Variants in NPC1L1 observed in about 807,000 individuals in gnomAD.
NPC1L1 encodes NPC1-like intracellular cholesterol transporter 1.
Under a neutral mutation model 117.0 loss-of-function variants are expected in NPC1L1, and 98 were observed. The ratio of observed to expected loss-of-function variants is 0.84; its 90% confidence interval spans 0.71 to 0.99. The LOEUF is 0.99. Ranked by LOEUF, NPC1L1 falls within the 50% of genes least tolerant of loss-of-function variation. The pLI is 0.00. For synonymous variants in NPC1L1, 729 were observed against 727.6 expected (o/e 1.00, Z -0.03); for missense variants, 1,540 against 1,710.0 (o/e 0.90, Z 1.75).
In NPC1L1 at chr7:44,532,076, T is replaced by C. The variant is rs766881398; in HGVS notation, c.2547+4A>G. 6.2e-7 allele frequency: 1 copy of C among 1,614,096 alleles called. No individual in the cohort carries two copies. The highest frequency in any genetic ancestry group is 8.5e-7 in the Non-Finnish European group (1 of 1,180,000). On this transcript the variant is annotated splice_donor_region_variant and intron_variant, in intron 9 of 18. Transcript: ENST00000381160. ...TGCTCTCGTGTGGTTCGAGGCCCACTCACCACAACACCTCGAGTGATCCAG... is the reference window on the plus strand; with the variant it reads ...TGCTCTCGTGTGGTTCGAGGCCCACCCACCACAACACCTCGAGTGATCCAG...
Position 44,522,131 on chromosome 7 carries a change from T to C in NPC1L1, c.2749A>G (p.Asn917Asp). ...GYNFSSEAGM[N>D]AICSSAGCNN... ...CAGCCTGCACTGGAGCAGATGGCAT[T>C]CATCCCAGCCTCGCTGGAGAAGTTG... The change falls in exon 11 of 19, where the codon AAT becomes GAT. Residue 917 changes from asparagine (N) to aspartate (D), a missense_variant. By Grantham distance (23) the Asn-to-Asp change is conservative (BLOSUM62 1). Transcript: ENST00000381160. 2 of 1,613,820 alleles carry C rather than the reference T, an allele frequency of 1.2e-6. No individual in the cohort carries two copies. Among genetic ancestry groups the C allele is most frequent in the East Asian group, 2.2e-5 (1 of 44,874 alleles).
intron 1 of NPC1L1, among the ~76,000 whole-genome samples, chr7:44,540,796 C>T (rs554338971): frequency 6.6e-6 from 1 of 152,038 alleles, no homozygotes; most frequent in Admixed American, 6.6e-5. Flanking sequence ...ACAAAGTAAG[C>T]GAGGAACTTA....
At chr7:44,541,181 G>A (rs1802091730) in intron 1 of NPC1L1, 25 bp downstream of exon 1, 1 of 1,549,048 alleles carries the variant, frequency 6.5e-7, no homozygotes. Context: ...CCGCAGGGGA[G>A]GTGGAGCCAA....
intron 10 of NPC1L1, among the ~76,000 whole-genome samples, chr7:44,527,318 C>T (rs62459147): frequency 0.025 from 3,736 of 151,738 alleles, 56 homozygotes; most frequent in Middle Eastern, 0.038. Flanking sequence ...ATTAGCCTGG[C>T]GTGGTGGCAC....
At chr7:44,519,670 C>T (rs1801293344) in intron 14 of NPC1L1, among the ~76,000 whole-genome samples, 1 of 152,226 alleles carries the variant, frequency 6.6e-6, no homozygotes, top group South Asian at 2.1e-4. Flanking sequence ...GGCCCCTACA[C>T]CGAGCATGTC....
At chr7:44,519,630 C>T (rs1175053744) in intron 14 of NPC1L1, among the ~76,000 whole-genome samples, 1 of 152,180 alleles carries the variant, frequency 6.6e-6, no homozygotes, top group Middle Eastern at 3.2e-3. Flanking sequence ...CGACGACCCC[C>T]ATGTCCATCT....
Position 44,533,490 on chromosome 7 carries a change from A to T in NPC1L1, c.2350T>A (p.Phe784Ile), listed in dbSNP as rs746257407. Residue 784 changes from phenylalanine to isoleucine, a missense_variant, in exon 8 of 19, where the codon TTC becomes ATC. Phe to Ile is a conservative substitution (Grantham distance 21). Transcript: ENST00000381160. ...LTSGLAVILD[F>I]LLQMSAFVAL... ...ACAAAGGCTGACATCTGCAGGAGGA[A>T]GTCAAGGATCACTGCAAGGCCAGAG... 6.2e-7 allele frequency: 1 copy of T among 1,614,126 alleles called. No homozygotes were observed. Among genetic ancestry groups the T allele is most frequent in the Admixed American group, 1.7e-5 (1 of 60,032 alleles).
At chr7:44,537,293 C>A (rs962686400) in intron 2 of NPC1L1, among the ~76,000 whole-genome samples, 4 of 152,224 alleles carry the variant, frequency 2.6e-5, no homozygotes, top group African/African-American at 9.6e-5. Context: ...ACCTTCCTGG[C>A]TCTGACATTA....
In NPC1L1 at chr7:44,533,629, T is replaced by G. The variant is rs1585145150; in HGVS notation, c.2282-71A>C. 3 of 1,612,598 alleles carry G rather than the reference T, an allele frequency of 1.9e-6. No homozygotes were observed. In the Admixed American group the frequency reaches 5.0e-5, roughly 27 times the overall value. ...AGAGTGGTAGCCGACATTGACAGGG[T>G]GCAGGGGGAAGGGAATCTGCACTAT... On this transcript the variant is annotated intron_variant, in intron 7 of 18. Coordinates refer to ENST00000381160, the MANE Select transcript of NPC1L1 (RefSeq NM_001101648.2).
chr7:44,536,781 T>C lies in NPC1L1; in HGVS notation c.1681+61A>G. ...CCAGCACCACTCCCACCCTCCCGTC[T>C]ATGGTTCCTGCCCCAATACTGCATC... is the stretch of plus-strand genomic sequence containing the variant. On this transcript the variant is annotated intron_variant, in intron 3 of 18. Coordinates refer to ENST00000381160, the MANE Select transcript of NPC1L1 (RefSeq NM_001101648.2). This position sits in a 1 kb window ranked among gnomAD's most constrained non-coding sequence, Gnocchi z 4.7. The C allele has an allele frequency of 7.0e-7, 1 of 1,419,964 alleles. No homozygotes were observed. Among genetic ancestry groups the C allele is most frequent in the Non-Finnish European group, 1.0e-6 (1 of 1,004,884 alleles). 88.0% of individuals were successfully genotyped at this position (1,419,964 alleles called of 1,614,324 possible).
Position 44,517,447 on chromosome 7 carries a change from G to A in NPC1L1, c.3137-90C>T, listed in dbSNP as rs546923113. 1,450 of 1,500,546 alleles carry A rather than the reference G, an allele frequency of 9.7e-4. 4 individuals are homozygous for A. The highest frequency in any genetic ancestry group is 1.2e-3 in the Non-Finnish European group (1,295 of 1,091,502). The allele number at this position is 1,500,546 out of a possible 1,614,324, so 93.0% of individuals were successfully genotyped here. ...AGAACACCGCAGACGCAGTGGCACA[G>A]GCATGTGATCAAGCGGGGTTCAGGG... On this transcript the variant is annotated intron_variant, in intron 14 of 18. Coordinates refer to ENST00000381160, the MANE Select transcript of NPC1L1 (RefSeq NM_001101648.2).
rs1370639428 is a variant in NPC1L1, at chr7:44,538,473, A to G, written c.1580+344T>C. ...GAAGCAAAACATAGCAAATATAAATATGTACTCTGCCAATCGGGCTCCTCT... is the reference window on the plus strand; with the variant it reads ...GAAGCAAAACATAGCAAATATAAATGTGTACTCTGCCAATCGGGCTCCTCT... On this transcript the variant is annotated intron_variant, in intron 2 of 18. Coordinates refer to ENST00000381160, the MANE Select transcript of NPC1L1 (RefSeq NM_001101648.2). This position sits in a 1 kb window ranked among gnomAD's most constrained non-coding sequence, Gnocchi z 5.9. 6.6e-6 allele frequency among the ~76,000 whole-genome samples: 1 copy of G among 152,212 alleles called. No homozygotes were observed. Among genetic ancestry groups the G allele is most frequent in the East Asian group, 1.9e-4 (1 of 5,198 alleles).
rs1252094324 is a variant in NPC1L1 at position 44,538,353 on chromosome 7, C to T, written c.1580+464G>A. Among the ~76,000 whole-genome samples the T allele has an allele frequency of 6.6e-6, 1 of 152,256 alleles. No homozygotes were observed. Among genetic ancestry groups the T allele is most frequent in the African/African-American group, 2.4e-5 (1 of 41,478 alleles). On this transcript the variant is annotated intron_variant, in intron 2 of 18. Transcript: ENST00000381160. This position sits in a 1 kb window ranked among gnomAD's most constrained non-coding sequence, Gnocchi z 5.9. ...GACACCCGGCCCAGGTGCCTGAGAC[C>T]AGCCACGACCTCTGGCCTGAGGGCA...
At position 44,535,699 on chromosome 7, in the gene NPC1L1, G is replaced by GT. The variant is rs1801860833; in HGVS notation, c.1983+140dup. 3 of 1,047,886 alleles carry GT rather than the reference G, an allele frequency of 2.9e-6. No homozygotes were observed. In the African/African-American group the frequency reaches 4.7e-5, roughly 16 times the overall value. 64.9% of individuals were successfully genotyped at this position (1,047,886 alleles called of 1,614,324 possible). A position where few individuals can be genotyped will look rare whatever the true frequency, so the allele number is the denominator to read the frequency against. On this transcript the variant is annotated intron_variant, in intron 5 of 18. Coordinates refer to ENST00000381160, the MANE Select transcript of NPC1L1 (RefSeq NM_001101648.2). ...TTTCAGCACAGAACACTTGCAAGAG[G>GT]TATTACCCTTTGGGGCAGCCACTTG...
rs755830265 is a variant in NPC1L1, at chr7:44,531,801, A to G, written c.2591T>C (p.Met864Thr). The G allele has an allele frequency of 1.1e-5, 17 of 1,590,214 alleles. 2 individuals are homozygous for G. The South Asian group carries it at 1.8e-4, about 17-fold the overall frequency. Residue 864 changes from methionine (M) to threonine (T), a missense_variant, in exon 10 of 19, where the codon ATG becomes ACG. Met to Thr is a moderately conservative substitution (Grantham distance 81). Coordinates refer to ENST00000381160, the MANE Select transcript of NPC1L1 (RefSeq NM_001101648.2). ...LALFGVSLYS[M>T]CHISVGLDQE... is the part of the protein sequence containing the mutation. ...GTCCAGTCCCACGCTGATGTGGCAC[A>G]TGGAGTAGAGGCTCACTCCGAACAG...
chr7:44,530,761 C>T (rs1352150262), intron 10 of NPC1L1, among the ~76,000 whole-genome samples: 2 of 152,138 alleles, frequency 1.3e-5, no homozygotes, highest in African/African-American at 2.4e-5. Context: ...CTGCAGGTGG[C>T]AGGTTCATTC....
In NPC1L1 at chr7:44,534,715, C is replaced by T. The variant is rs752694305; in HGVS notation, c.1984-86G>A. ...CCTCAGCTAGGCCAGACAAAGTAGC[C>T]GGCAGGCACCCTCAGTGCCTGCAGG... On this transcript the variant is annotated intron_variant, in intron 5 of 18. Transcript: ENST00000381160. This position sits in a 1 kb window ranked among gnomAD's most constrained non-coding sequence, Gnocchi z 5.2. The T allele has an allele frequency of 1.3e-4, 196 of 1,463,896 alleles. No individual in the cohort carries two copies. The highest frequency in any genetic ancestry group is 1.7e-4 in the Non-Finnish European group (184 of 1,057,260). 90.7% of individuals were successfully genotyped at this position (1,463,896 alleles called of 1,614,324 possible).
intron 8 of NPC1L1, 102 bp from the exon 9 acceptor site, chr7:44,532,319 G>A: frequency 2.2e-6 from 3 of 1,388,688 alleles, no homozygotes; most frequent in Non-Finnish European, 2.0e-6. Flanking sequence ...GGTGGCCCGT[G>A]CCAGTGCCCT....
rs781612544 is a variant in NPC1L1, at chr7:44,522,139, G to A, written c.2741C>T (p.Ala914Val). 3.7e-6 allele frequency: 6 copies of A among 1,614,030 alleles called. No homozygotes were observed. The highest frequency in any genetic ancestry group is 5.1e-6 in the Non-Finnish European group (6 of 1,179,978). ...TTLGYNFSSEAGMNAICSSAG... is the reference protein window; with the variant it reads ...TTLGYNFSSEVGMNAICSSAG... ...ACTGGAGCAGATGGCATTCATCCCA[G>A]CCTCGCTGGAGAAGTTGTAGCCCAA... is the stretch of plus-strand genomic sequence containing the variant. Residue 914 changes from alanine to valine, a missense_variant, in exon 11 of 19, where the codon GCT becomes GTT. Physicochemically the swap from Ala to Val is moderately conservative, Grantham distance 64 (BLOSUM62 0). This residue lies in a region of NPC1L1 where 742 missense variants were observed against 873.6 expected (regional missense o/e 0.85). Transcript: ENST00000381160.
Sources: gnomAD v4.1 joint callset for allele counts (sites outside exome capture counted in the v4.1 genomes callset) on GRCh38, gnomAD v4.1.1 for gene constraint, gnomAD v4.1.1 regional missense constraint, Gnocchi (gnomAD v3.1) non-coding constraint, MANE v1.5 for transcripts, NCBI Gene and HGNC (gene_info 2026-07-23, HGNC 2026-07-21) for gene names.